Variants in EPHA3 observed in about 807,000 individuals in gnomAD.
EPHA3 encodes the protein ephrin type-A receptor 3.
EPHA3 carries 42 observed loss-of-function variants against 107.1 expected under a neutral mutation model. The ratio of observed to expected loss-of-function variants is 0.39; its 90% CI spans 0.31 to 0.51. The LOEUF (loss-of-function observed/expected upper bound fraction) is 0.51. Among genes scored for constraint, EPHA3 ranks in the 20% least tolerant of loss-of-function variants. EPHA3 has a pLI of 0.78. For missense variants in EPHA3, 1,183 were observed against 1,211.2 expected (o/e 0.98, Z 0.35); for synonymous variants, 461 against 424.8 (o/e 1.09, Z -1.05).
intron 7 of EPHA3, among the ~76,000 whole-genome samples, chr3:89,403,554 T>C (rs1165219660): frequency 6.6e-6 from 1 of 151,912 alleles, no homozygotes; most frequent in Non-Finnish European, 1.5e-5. Flanking sequence ...AGTAAAAGGA[T>C]TTTCCTAGCA....
intron 13 of EPHA3, among the ~76,000 whole-genome samples, chr3:89,446,198 G>T (rs538094511): frequency 1.3e-5 from 2 of 152,122 alleles, no homozygotes; most frequent in African/African-American, 2.4e-5. Flanking sequence ...GCTTGAATCT[G>T]TAACCATGTA....
chr3:89,266,063 GCT>G (rs930780375), intron 3 of EPHA3, among the ~76,000 whole-genome samples: 4 of 152,090 alleles, frequency 2.6e-5, no homozygotes, highest in Admixed American at 2.0e-4. Flanking sequence ...TTAGCTCTGA[GCT>G]CTGTCTTCTG....
chr3:89,280,155 A>G (rs1244363448), intron 3 of EPHA3, among the ~76,000 whole-genome samples: 1 of 152,176 alleles, frequency 6.6e-6, no homozygotes, highest in Non-Finnish European at 1.5e-5. Flanking sequence ...TTAAAATTAC[A>G]GATATTTATT....
At chr3:89,211,450 A>C (rs1704077605) in intron 3 of EPHA3, among the ~76,000 whole-genome samples, 1 of 151,996 alleles carries the variant, frequency 6.6e-6, no homozygotes, top group Non-Finnish European at 1.5e-5. Context: ...ATTGTCCTTG[A>C]AATTTTGTCC....
At chr3:89,300,492 A>T (rs1317755303) in intron 3 of EPHA3, among the ~76,000 whole-genome samples, 1 of 151,878 alleles carries the variant, frequency 6.6e-6, no homozygotes, top group Non-Finnish European at 1.5e-5. Context: ...CACACAAACT[A>T]ATAAGCAGAG....
chr3:89,110,847 C>A (rs951705417), intron 1 of EPHA3, among the ~76,000 whole-genome samples: 8 of 151,892 alleles, frequency 5.3e-5, no homozygotes, highest in Non-Finnish European at 1.2e-4. Flanking sequence ...TTACTTCAAC[C>A]CTTTCAGAAT....
At chr3:89,367,591 A>G (rs1559667136) in intron 5 of EPHA3, among the ~76,000 whole-genome samples, 1 of 150,774 alleles carries the variant, frequency 6.6e-6, no homozygotes. Flanking sequence ...AAAAACAAAA[A>G]AAAACTTCTT....
In EPHA3 at chr3:89,480,702, AATG is replaced by A. The variant is rs1576401061; in HGVS notation, c.*1206_*1208del. ...GAAACTTGCTGAGCTGTTTATAGAG[AATG>A]ATGATAACAGAACTTTTCCTCTGTA... On this transcript the variant is annotated 3_prime_UTR_variant, in exon 17 of 17. Transcript: ENST00000336596. 1.3e-5 allele frequency: 3 copies of A among 232,716 alleles called. No individual in the cohort carries two copies. In the East Asian group the frequency reaches 1.8e-4, roughly 14 times the overall value. The allele number at this position is 232,716 out of a possible 1,614,324, so 14.4% of individuals were successfully genotyped here.
chr3:89,410,393 A>G (rs1434036461), intron 9 of EPHA3, among the ~76,000 whole-genome samples: 1 of 151,946 alleles, frequency 6.6e-6, no homozygotes, highest in African/African-American at 2.4e-5. Context: ...TTTAAGGCCA[A>G]TGCTTATTTA....
intron 13 of EPHA3, among the ~76,000 whole-genome samples, chr3:89,436,347 T>A (rs1018110820): frequency 6.6e-6 from 1 of 152,196 alleles, no homozygotes; most frequent in Non-Finnish European, 1.5e-5. Context: ...GGATAAGAGA[T>A]CCTGGTTAAT....
intron 5 of EPHA3, among the ~76,000 whole-genome samples, chr3:89,374,225 C>T (rs1282554685): frequency 6.6e-6 from 1 of 151,844 alleles, no homozygotes; most frequent in Non-Finnish European, 1.5e-5. Flanking sequence ...CAGTTGGAGC[C>T]AGACACATCT....
rs752088339 is a variant in EPHA3 at position 89,395,929 on chromosome 3, A to G, written c.1399A>G (p.Ile467Val). 1.2e-6 allele frequency: 2 copies of G among 1,614,082 alleles called. No individual in the cohort carries two copies. Among genetic ancestry groups the G allele is most frequent in the Non-Finnish European group, 1.7e-6 (2 of 1,179,944 alleles). ...AGAACCTGAACATCCTAATGGGATC[A>G]TATTGGACTACGAGGTCAAATACTA... ...WQEPEHPNGI[I>V]LDYEVKYYEK... The change falls in exon 6 of 17, where the codon ATA becomes GTA. Residue 467 changes from isoleucine (I) to valine (V), a missense_variant. By Grantham distance (29) the Ile-to-Val change is conservative. Coordinates refer to ENST00000336596, the MANE Select transcript of EPHA3 (RefSeq NM_005233.6).
Position 89,209,973 on chromosome 3 carries a change from G to A in EPHA3, c.267G>A (p.Arg89=). 6.2e-7 allele frequency: 1 copy of A among 1,613,910 alleles called. No homozygotes were observed. Among genetic ancestry groups the A allele is most frequent in the African/African-American group, 1.3e-5 (1 of 74,994 alleles). Residue 89 remains arginine (R), a synonymous_variant, in exon 3 of 17, where the codon AGG becomes AGA. Coordinates refer to ENST00000336596, the MANE Select transcript of EPHA3 (RefSeq NM_005233.6). ...GGCTGAGAACAAACTGGGTCCCCAGGAACTCAGCTCAGAAGATTTATGTGG... is the reference window on the plus strand; with the variant it reads ...GGCTGAGAACAAACTGGGTCCCCAGAAACTCAGCTCAGAAGATTTATGTGG... The part of the protein sequence containing the change: ...NNWLRTNWVP[R]NSAQKIYVEL...
intron 5 of EPHA3, among the ~76,000 whole-genome samples, chr3:89,349,780 C>T (rs1258789444): frequency 4.0e-5 from 6 of 149,030 alleles, no homozygotes; most frequent in East Asian, 2.0e-4. Flanking sequence ...ATGTTTAGCG[C>T]TTCCTTCAGG....
chr3:89,165,557 T>C (rs181284726), intron 2 of EPHA3, among the ~76,000 whole-genome samples: 24 of 152,310 alleles, frequency 1.6e-4, no homozygotes, highest in African/African-American at 5.8e-4. Flanking sequence ...TCCATCTCCA[T>C]ATTGTAGTCA....
intron 5 of EPHA3, among the ~76,000 whole-genome samples, chr3:89,359,750 C>T (rs1708047450): frequency 7.2e-6 from 1 of 138,758 alleles, no homozygotes. Context: ...CATATATACA[C>T]ATATATACAC....
chr3:89,232,126 G>A (rs775619250), intron 3 of EPHA3, among the ~76,000 whole-genome samples: 18 of 152,168 alleles, frequency 1.2e-4, no homozygotes, highest in Non-Finnish European at 2.2e-4. Flanking sequence ...ATTTTGGGGT[G>A]TCGTGTTCTG....
chr3:89,439,367 A>G (rs553776540), intron 13 of EPHA3, among the ~76,000 whole-genome samples: 1 of 152,214 alleles, frequency 6.6e-6, no homozygotes, highest in South Asian at 2.1e-4. Flanking sequence ...CTGACGTGGG[A>G]GGGTCGCTTG....
chr3:89,227,702 G>GTATTAT (rs1704533162), intron 3 of EPHA3, among the ~76,000 whole-genome samples: 1 of 151,844 alleles, frequency 6.6e-6, no homozygotes, highest in South Asian at 2.1e-4. Flanking sequence ...AGAAGGCTGA[G>GTATTAT]TATTATTATT....
Sources: allele counts gnomAD v4.1 joint callset (sites outside exome capture counted in the v4.1 genomes callset), GRCh38; gene constraint gnomAD v4.1.1; transcripts MANE v1.5; gene names NCBI Gene and HGNC (gene_info 2026-07-23, HGNC 2026-07-21).